The following EYS variants were observed in gnomAD, a reference collection of about 807,000 sequenced individuals.
The protein encoded by EYS is EGF-like photoreceptor maintenance factor, also known as protein eyes shut homolog.
In EYS, 250 loss-of-function variants were observed where a neutral mutation model predicts 282.1. The observed-to-expected ratio is 0.89, with a 90% CI of 0.80 to 0.98. The LOEUF (loss-of-function observed/expected upper bound fraction) is 0.98. EYS is among the 50% of genes least tolerant of loss of function. EYS has a pLI of 0.00. For synonymous variants in EYS, 1,355 were observed against 1,282.9 expected, an observed-to-expected ratio of 1.06 and a Z score of -1.20; for missense variants, 4,016 against 3,709.0, an observed-to-expected ratio of 1.08 and a Z score of -2.15.
chr6:65,495,371 A>G lies in EYS; in HGVS notation c.40T>C (p.Phe14Leu), dbSNP rs1766219715. 1.2e-6 allele frequency: 2 copies of G among 1,613,100 alleles called. No homozygotes were observed. Among genetic ancestry groups the G allele is most frequent in the Non-Finnish European group, 1.7e-6 (2 of 1,180,010 alleles). The change falls in exon 4 of 43, where the codon TTT (phenylalanine) becomes CTT (leucine). Residue 14 changes from phenylalanine (F) to leucine (L), a missense_variant. Coordinates refer to ENST00000503581, the MANE Select transcript of EYS (RefSeq NM_001142800.2). Reference protein sequence around the residue: ...KSIVILSLMVFHSSFINGKTC... With the variant: ...KSIVILSLMVLHSSFINGKTC... ...TTTCCATTTATGAAAGAGCTGTGAA[A>G]AACCATCAGGCTCAGAATGACGATT...
intron 8 of EYS, among the ~76,000 whole-genome samples, chr6:65,369,280 T>TAA (rs1765034921): frequency 8.5e-6 from 1 of 117,038 alleles, no homozygotes; most frequent in African/African-American, 2.7e-5. Context: ...TATATATTTA[T>TAA]ATATATTATA....
At chr6:63,912,224 C>T (rs751362472) in intron 35 of EYS, among the ~76,000 whole-genome samples, 2 of 151,958 alleles carry the variant, frequency 1.3e-5, no homozygotes, top group South Asian at 2.1e-4. Flanking sequence ...TCCTTTTTGT[C>T]GTAAGTCTCT....
intron 41 of EYS, among the ~76,000 whole-genome samples, chr6:63,731,040 T>A (rs1163806447): frequency 6.6e-6 from 1 of 152,124 alleles, no homozygotes; most frequent in Non-Finnish European, 1.5e-5. Context: ...ATTTTGTTAT[T>A]ACTAATACTG....
At chr6:64,218,506 C>A (rs1407736613) in intron 31 of EYS, among the ~76,000 whole-genome samples, 1 of 152,148 alleles carries the variant, frequency 6.6e-6, no homozygotes, top group East Asian at 1.9e-4. Flanking sequence ...TTACACTGAC[C>A]AACCCTTAGT....
At chr6:65,129,983 GA>G (rs769313112) in intron 12 of EYS, among the ~76,000 whole-genome samples, 2 of 151,294 alleles carry the variant, frequency 1.3e-5, no homozygotes, top group African/African-American at 4.8e-5. Context: ...GCCATAAAAA[GA>G]AAAAAAATCA....
chr6:63,958,400 G>A (rs1368322438), intron 35 of EYS, among the ~76,000 whole-genome samples: 1 of 150,620 alleles, frequency 6.6e-6, no homozygotes, highest in Non-Finnish European at 1.5e-5. Flanking sequence ...GGAGGCCTAT[G>A]TTACACGAGG....
chr6:63,816,725 C>T (rs1771187310), intron 36 of EYS, among the ~76,000 whole-genome samples: 1 of 152,184 alleles, frequency 6.6e-6, no homozygotes, highest in African/African-American at 2.4e-5. Context: ...TTGGCTTATC[C>T]TAAGGCATGT....
intron 8 of EYS, among the ~76,000 whole-genome samples, chr6:65,374,814 G>A (rs988283721): frequency 3.3e-5 from 5 of 152,138 alleles, no homozygotes; most frequent in Non-Finnish European, 5.9e-5. Context: ...AGCTGCTATA[G>A]CCAGACTGCC....
chr6:65,425,418 A>C (rs1767622796), intron 5 of EYS, among the ~76,000 whole-genome samples: 1 of 152,114 alleles, frequency 6.6e-6, no homozygotes, highest in Admixed American at 6.6e-5. Flanking sequence ...TGGTACCATT[A>C]AATTACTCAC....
chr6:64,647,816 C>T (rs1582994066), intron 22 of EYS, among the ~76,000 whole-genome samples: 2 of 152,076 alleles, frequency 1.3e-5, no homozygotes, highest in African/African-American at 2.4e-5. Flanking sequence ...CAACCGACTC[C>T]TTATAGGTAG....
At chr6:64,787,056 C>A (rs2149997758) in intron 22 of EYS, among the ~76,000 whole-genome samples, 1 of 152,252 alleles carries the variant, frequency 6.6e-6, no homozygotes, top group Middle Eastern at 3.4e-3. Context: ...CTACTATTTC[C>A]CTCGCGCTTT....
intron 2 of EYS, among the ~76,000 whole-genome samples, chr6:65,553,594 A>G (rs1768678966): frequency 6.6e-6 from 1 of 152,148 alleles, no homozygotes; most frequent in Admixed American, 6.5e-5. Flanking sequence ...TAATTTGATG[A>G]AAATTTACCA....
chr6:63,746,641 G>C (rs1275372392), intron 41 of EYS, among the ~76,000 whole-genome samples: 1 of 152,034 alleles, frequency 6.6e-6, no homozygotes, highest in Non-Finnish European at 1.5e-5. Flanking sequence ...ACTTCTTCCT[G>C]GTTTAGTCTT....
intron 12 of EYS, among the ~76,000 whole-genome samples, chr6:65,089,327 C>G (rs1467838963): frequency 6.6e-6 from 1 of 152,168 alleles, no homozygotes; most frequent in Non-Finnish European, 1.5e-5. Flanking sequence ...TGCAAAGCCA[C>G]AGAAGTGGAG....
chr6:64,504,713 G>A (rs1396526750), intron 26 of EYS, among the ~76,000 whole-genome samples: 1 of 152,156 alleles, frequency 6.6e-6, no homozygotes, highest in Admixed American at 6.5e-5. Flanking sequence ...AGGGCCTTAG[G>A]GACAGATATT....
At chr6:64,224,835 ATT>A (rs34708103) in intron 31 of EYS, among the ~76,000 whole-genome samples, 127 of 150,526 alleles carry the variant, frequency 8.4e-4, no homozygotes, top group African/African-American at 2.9e-3. Flanking sequence ...TTTGTGAATG[ATT>A]TTTTTTTTGT....
intron 12 of EYS, among the ~76,000 whole-genome samples, chr6:65,158,437 C>A (rs900183354): frequency 6.6e-6 from 1 of 150,840 alleles, no homozygotes; most frequent in Non-Finnish European, 1.5e-5. Flanking sequence ...CAGTAACATT[C>A]TTTTACAATG....
chr6:65,317,785 C>CCTTCCTTCCTTCCTTA (rs1467213179), intron 11 of EYS, among the ~76,000 whole-genome samples: 1 of 19,388 alleles, frequency 5.2e-5, no homozygotes, highest in East Asian at 1.1e-3. Context: ...TCTCTTCCTT[C>CCTTCCTTCCTTCCTTA]CTTCCTTCCT....
Position 64,371,932 on chromosome 6 carries a change from A to C in EYS, c.6078+16758T>G, listed in dbSNP as rs549248117. On this transcript the variant is annotated intron_variant, in intron 29 of 42. Transcript: ENST00000503581. Reference sequence around the variant, plus strand: ...ACTGCGTGTGAGATTGGTCTCCTGAAGACAGAATAACATTGGGTTTTGCTT... The same window carrying C: ...ACTGCGTGTGAGATTGGTCTCCTGACGACAGAATAACATTGGGTTTTGCTT... 1.2e-4 allele frequency among the ~76,000 whole-genome samples: 18 copies of C among 152,242 alleles called. No individual in the cohort carries two copies. In the South Asian group the frequency reaches 3.7e-3, roughly 32 times the overall value.
Sources: allele counts gnomAD v4.1 joint callset (sites outside exome capture counted in the v4.1 genomes callset), GRCh38; gene constraint gnomAD v4.1.1; transcripts MANE v1.5; gene names NCBI Gene and HGNC (gene_info 2026-07-23, HGNC 2026-07-21).